The following TTN variants were observed in gnomAD, a reference collection of about 807,000 sequenced individuals.
TTN encodes titin.
TTN carries 1,525 observed loss-of-function variants against 3,223.0 expected under a neutral mutation model. The ratio of observed to expected loss-of-function variants is 0.47; its 90% CI spans 0.45 to 0.49. TTN has a LOEUF of 0.49. Ranked by LOEUF, TTN falls within the 20% of genes least tolerant of loss-of-function variation. The pLI is 0.00. For synonymous variants in TTN, 14,094 were observed against 15,161.0 expected (o/e 0.93, Z 5.17); for missense variants, 40,786 against 43,424.0 (o/e 0.94, Z 5.40).
Position 178,584,330 on chromosome 2 carries a change from C to T in TTN, c.65221G>A (p.Gly21741Arg). ...SFRIYALNKA[G>R]SSPPSKPTEY... ...GTGGGTTTGCTGGGTGGGCTGGATC[C>T]AGCTTTGTTTAGGGCATAGATTCTG... Residue 21741 changes from glycine to arginine, a missense_variant, in exon 311 of 363, where the codon GGA becomes AGA. Transcript: ENST00000589042. The T allele has an allele frequency of 6.2e-7, 1 of 1,604,544 alleles. No homozygotes were observed. The highest frequency in any genetic ancestry group is 8.5e-7 in the Non-Finnish European group (1 of 1,172,842).
At position 178,624,613 on chromosome 2, in the gene TTN, C is replaced by G. The variant is rs746287950; in HGVS notation, c.44667G>C (p.Gly14889=). ...ENAKVKWFKN[G]TEILKSKKYE... ...ACTTCTTGCTTTTGAGGATTTCTGT[C>G]CCATTTTTGAACCATTTCACCTTAG... The change falls in exon 242 of 363, where the codon GGG becomes GGC. Residue 14889 remains glycine (G), a synonymous_variant. Transcript: ENST00000589042. 9.3e-6 allele frequency: 15 copies of G among 1,612,618 alleles called. No individual in the cohort carries two copies. The Middle Eastern group carries it at 5.0e-4, about 53-fold the overall frequency.
chr2:178,557,699 C>CAAAGCGGTT lies in TTN; in HGVS notation c.87646_87654dup (p.Asn29216_Phe29218dup). ...GCTGAATCTATATGATCACTGATGCCAAAGCGGTTTTCTGCCTTGATGCGG... is the reference window on the plus strand; with the variant it reads ...GCTGAATCTATATGATCACTGATGCCAAAGCGGTTAAAGCGGTTTTCTGCCTTGATGCGG... On this transcript the variant is annotated inframe_insertion, in exon 328 of 363. Transcript: ENST00000589042. The CAAAGCGGTT allele has an allele frequency of 2.5e-6, 4 of 1,613,944 alleles. No homozygotes were observed. The highest frequency in any genetic ancestry group is 3.4e-6 in the Non-Finnish European group (4 of 1,179,850).
In TTN at chr2:178,669,456, A is replaced by T. The variant is rs746940707; in HGVS notation, c.35471-9T>A. The T allele has an allele frequency of 3.2e-6, 5 of 1,546,660 alleles. No individual in the cohort carries two copies. In the African/African-American group the frequency reaches 7.0e-5, roughly 22 times the overall value. Reference sequence around the variant, plus strand: ...CTTAGGCATCCCAGGAACTTTAAAGATATTAGTATATTAATTGTTACAGAT... The same window carrying T: ...CTTAGGCATCCCAGGAACTTTAAAGTTATTAGTATATTAATTGTTACAGAT... On this transcript the variant is annotated splice_polypyrimidine_tract_variant and intron_variant, in intron 158 of 362. Transcript: ENST00000589042.
rs752093604 is a variant in TTN at position 178,539,250 on chromosome 2, A to G, written c.98685T>C (p.Asn32895=). The G allele has an allele frequency of 2.5e-6, 4 of 1,612,378 alleles. No individual in the cohort carries two copies. The African/African-American group carries it at 4.0e-5, about 16-fold the overall frequency. Residue 32895 remains asparagine (N), a splice_region_variant and synonymous_variant, in exon 353 of 363, where the codon AAT becomes AAC. Transcript: ENST00000589042. ...EEPVTPKTPL[N]PPEPPSNPPE... Reference sequence around the variant, plus strand: ...GAGGATTGCTTGGAGGTTCTGGAGGATCTGTAAATATAAGTGGAAAGCACA... The same window carrying G: ...GAGGATTGCTTGGAGGTTCTGGAGGGTCTGTAAATATAAGTGGAAAGCACA...
At position 178,532,496 on chromosome 2, in the gene TTN, T is replaced by G; in HGVS notation, c.104119A>C (p.Ser34707Arg). The G allele has an allele frequency of 6.2e-7, 1 of 1,613,996 alleles. No homozygotes were observed. The highest frequency in any genetic ancestry group is 8.5e-7 in the Non-Finnish European group (1 of 1,179,864). ...GCTTGTGGTGAAGAGTAACGTAGGC[T>G]AGAAAGCTCAAAGTGTGGAGGGCTT... ...SRSPPHFELS[S>R]LRYSSPQAHV... The change falls in exon 358 of 363, where the codon AGC (serine) becomes CGC (arginine). Residue 34707 changes from serine (S) to arginine (R), a missense_variant. Physicochemically the swap from Ser to Arg is moderately radical, Grantham distance 110. Coordinates refer to ENST00000589042, the MANE Select transcript of TTN (RefSeq NM_001267550.2).
Position 178,575,606 on chromosome 2 carries a change from A to T in TTN, c.70526T>A (p.Val23509Glu), listed in dbSNP as rs926271333. ...AATTCCATATTCATTCTCTGCCATC[A>T]CTCTGAAGAAATATTCACACCCTTC... ...LSEGCEYFFR[V>E]MAENEYGIGE... is the part of the protein sequence containing the mutation. The change falls in exon 326 of 363, where the codon GTG becomes GAG. Residue 23509 changes from valine to glutamate, a missense_variant. Val to Glu is a moderately radical substitution (Grantham distance 121). Transcript: ENST00000589042. The surrounding 1 kb of genome is among the most constrained non-coding windows in gnomAD (Gnocchi z 4.0). 1 of 1,613,376 alleles carries T rather than the reference A, an allele frequency of 6.2e-7. No individual in the cohort carries two copies. Among genetic ancestry groups the T allele is most frequent in the African/African-American group, 1.3e-5 (1 of 74,916 alleles).
Position 178,722,818 on chromosome 2 carries a change from T to C in TTN, c.22081A>G (p.Thr7361Ala). 3 of 1,613,356 alleles carry C rather than the reference T, an allele frequency of 1.9e-6. No individual in the cohort carries two copies. The highest frequency in any genetic ancestry group is 2.5e-6 in the Non-Finnish European group (3 of 1,179,558). ...TATTCAGGAGTTGGCCGTAATTTGGTATCTCCTTTGTACCAAGACACTGTA... is the reference window on the plus strand; with the variant it reads ...TATTCAGGAGTTGGCCGTAATTTGGCATCTCCTTTGTACCAAGACACTGTA... ...EITVSWYKGDTKLRPTPEYRT... is the reference protein window; with the variant it reads ...EITVSWYKGDAKLRPTPEYRT... Residue 7361 changes from threonine to alanine, a missense_variant, in exon 76 of 363, where the codon ACC becomes GCC. Physicochemically the swap from Thr to Ala is moderately conservative, Grantham distance 58 (BLOSUM62 0). Coordinates refer to ENST00000589042, the MANE Select transcript of TTN (RefSeq NM_001267550.2).
intron 149 of TTN, 101 bp downstream of exon 149, chr2:178,675,570 C>A: frequency 1.1e-6 from 1 of 927,898 alleles, no homozygotes; most frequent in Non-Finnish European, 1.4e-6. Flanking sequence ...ATGTGAATGA[C>A]AGACCATACA....
In TTN at chr2:178,613,760, G is replaced by T. The variant is rs1429836100; in HGVS notation, c.49523C>A (p.Thr16508Lys). The T allele has an allele frequency of 3.1e-6, 5 of 1,612,096 alleles. No individual in the cohort carries two copies. The highest frequency in any genetic ancestry group is 1.7e-5 in the Admixed American group (1 of 59,946). Residue 16508 changes from threonine (T) to lysine (K), a missense_variant, in exon 263 of 363, where the codon ACA (threonine) becomes AAA (lysine). Thr to Lys is a moderately conservative substitution (Grantham distance 78). Coordinates refer to ENST00000589042, the MANE Select transcript of TTN (RefSeq NM_001267550.2). ...VRCNKMPVKD[T>K]TYRVKGLTNK... is the part of the protein sequence containing the mutation. ...GGGATTCTGAGCATACCTGTATGTT[G>T]TGTCCTTTACTGGCATCTTATTGCA... is the stretch of plus-strand genomic sequence containing the variant.
In TTN at chr2:178,712,808, C is replaced by G. The variant is rs756400799; in HGVS notation, c.27217G>C (p.Val9073Leu). Reference protein sequence around the residue: ...DRCNVSLEDSVAELELFDVDT... With the variant: ...DRCNVSLEDSLAELELFDVDT... ...ACATCGAACAACTCCAGTTCAGCAA[C>G]TGAATCCTCCAAAGACACGTTGCAT... Residue 9073 changes from valine to leucine, a missense_variant, in exon 94 of 363, where the codon GTT becomes CTT. Coordinates refer to ENST00000589042, the MANE Select transcript of TTN (RefSeq NM_001267550.2). The G allele has an allele frequency of 4.2e-5, 68 of 1,613,820 alleles. No homozygotes were observed. The highest frequency in any genetic ancestry group is 5.7e-5 in the Non-Finnish European group (67 of 1,179,784).
chr2:178,594,779 G>T, intron 295 of TTN, 133 bp from the exon 296 acceptor site: 1 of 671,748 alleles, frequency 1.5e-6, no homozygotes, highest in Non-Finnish European at 2.4e-6. Flanking sequence ...TAGCAAAAGA[G>T]ATCTCATCAT....
intron 47 of TTN, among the ~76,000 whole-genome samples, chr2:178,743,369 C>T (rs868506886): frequency 2.0e-5 from 3 of 151,872 alleles, no homozygotes; most frequent in Non-Finnish European, 2.9e-5. Context: ...TTTTATGTTA[C>T]GTGCCATTGA....
chr2:178,715,874 CTCTG>C, intron 88 of TTN, 100 bp from the exon 89 acceptor site: 2 of 1,199,284 alleles, frequency 1.7e-6, no homozygotes, highest in Non-Finnish European at 2.3e-6. Flanking sequence ...AGGTCTTTAG[CTCTG>C]GAAAACAAAT....
Position 178,573,859 on chromosome 2 carries a change from A to G in TTN, c.72273T>C (p.Asp24091=), listed in dbSNP as rs1553609798. ...ADFSTNLVNK[D]STRRDSGAYT... ...AGGCACCACTATCCCTTCTTGTTGA[A>G]TCTTTGTTTACCAGATTAGTAGAGA... The change falls in exon 326 of 363, where the codon GAT becomes GAC. Residue 24091 remains aspartate, a synonymous_variant. Coordinates refer to ENST00000589042, the MANE Select transcript of TTN (RefSeq NM_001267550.2). The G allele has an allele frequency of 6.2e-7, 1 of 1,610,822 alleles. No homozygotes were observed. The highest frequency in any genetic ancestry group is 1.3e-5 in the African/African-American group (1 of 74,784).
chr2:178,547,703 C>T lies in TTN; in HGVS notation c.93923G>A (p.Arg31308Lys). The change falls in exon 339 of 363, where the codon AGG becomes AAG. Residue 31308 changes from arginine (R) to lysine (K), a missense_variant. By Grantham distance (26) the Arg-to-Lys change is conservative. Coordinates refer to ENST00000589042, the MANE Select transcript of TTN (RefSeq NM_001267550.2). ...AATGGGGCCGGTTACTGGACCTGGC[C>T]TTCCAATGACCACAACTGTGACGCT... Reference protein sequence around the residue: ...TFSVTVVVIGRPGPVTGPIEV... With the variant: ...TFSVTVVVIGKPGPVTGPIEV... 2 of 1,613,898 alleles carry T rather than the reference C, an allele frequency of 1.2e-6. No individual in the cohort carries two copies. Among genetic ancestry groups the T allele is most frequent in the Non-Finnish European group, 1.7e-6 (2 of 1,179,830 alleles).
chr2:178,563,243 T>G lies in TTN; in HGVS notation c.82889A>C (p.Gln27630Pro), dbSNP rs375607506. 14 of 1,613,626 alleles carry G rather than the reference T, an allele frequency of 8.7e-6. No homozygotes were observed. Among genetic ancestry groups the G allele is most frequent in the Non-Finnish European group, 1.2e-5 (14 of 1,179,724 alleles). Residue 27630 changes from glutamine (Q) to proline (P), a missense_variant, in exon 326 of 363, where the codon CAG (glutamine) becomes CCG (proline). Gln to Pro is a moderately conservative substitution (Grantham distance 76, BLOSUM62 -1). Transcript: ENST00000589042. The surrounding 1 kb of genome is among the most constrained non-coding windows in gnomAD (Gnocchi z 4.5). ...CTPPTGLQGK[Q>P]FTVTKLKENT... ...TTCTTTAAGCTTGGTCACTGTGAAC[T>G]GCTTTCCTTGTAATCCTGTTGGTGG...
rs989394126 is a variant in TTN, at chr2:178,672,462, T to C, written c.34875A>G (p.Lys11625=). 2.5e-6 allele frequency: 4 copies of C among 1,595,820 alleles called. No homozygotes were observed. In the African/African-American group the frequency reaches 5.4e-5, roughly 22 times the overall value. ...GCACAAGGACTTTCTTTTCTGGGAC[T>C]TTCTTTGGTACTTCAGGCACTTTAA... ...PPAKVPEVPK[K]VPEKKVLVPK... Residue 11625 remains lysine (K), a synonymous_variant, in exon 154 of 363, where the codon AAA becomes AAG. Coordinates refer to ENST00000589042, the MANE Select transcript of TTN (RefSeq NM_001267550.2).
intron 210 of TTN, 80 bp downstream of exon 210, chr2:178,650,084 A>C: frequency 7.4e-7 from 1 of 1,353,892 alleles, no homozygotes; most frequent in Non-Finnish European, 1.0e-6. Flanking sequence ...TACAAGACTG[A>C]TATTTTGCCT....
rs771722716 is a variant in TTN at position 178,557,529 on chromosome 2, A to G, written c.87733T>C (p.Trp29245Arg). The G allele has an allele frequency of 6.2e-7, 1 of 1,613,930 alleles. No individual in the cohort carries two copies. The highest frequency in any genetic ancestry group is 8.5e-7 in the Non-Finnish European group (1 of 1,179,852). ...YTTPGPPSTP[W>R]VTNVTRESIT... ...CTTTCTCGAGTAACATTAGTGACCC[A>G]TGGTGTAGATGGTGGTCCAGGTGTT... The change falls in exon 329 of 363, where the codon TGG becomes CGG. Residue 29245 changes from tryptophan (W) to arginine (R), a missense_variant. Coordinates refer to ENST00000589042, the MANE Select transcript of TTN (RefSeq NM_001267550.2).
Sources: allele counts gnomAD v4.1 joint callset (sites outside exome capture counted in the v4.1 genomes callset), GRCh38; gene constraint gnomAD v4.1.1; non-coding constraint Gnocchi (gnomAD v3.1); transcripts MANE v1.5; gene names NCBI Gene and HGNC (gene_info 2026-07-23, HGNC 2026-07-21).